The following NR2F1 variants were observed in gnomAD, a reference collection of about 807,000 sequenced individuals.
NR2F1 encodes the protein COUP transcription factor 1.
NR2F1 carries 1 observed loss-of-function variant against 37.7 expected under a neutral mutation model. The observed-to-expected ratio is 0.03, with a 90% CI of 0.01 to 0.13. The LOEUF is 0.13. NR2F1 is among the 10% of genes least tolerant of loss of function. The pLI is 1.00. For synonymous variants in NR2F1, 275 were observed against 259.6 expected, an observed-to-expected ratio of 1.06 and a Z score of -0.57; for missense variants, 268 against 578.4, an observed-to-expected ratio of 0.46 and a Z score of 5.50.
intron 1 of NR2F1, among the ~76,000 whole-genome samples, chr5:93,586,888 C>G (rs1318029196): frequency 6.6e-6 from 1 of 152,056 alleles, no homozygotes; most frequent in Non-Finnish European, 1.5e-5. Flanking sequence ...GAAAATAGAA[C>G]AAAACCTGAA....
intron 1 of NR2F1, chr5:93,587,055 A>C (rs1753244946): frequency 1.3e-5 from 2 of 152,018 alleles, no homozygotes; most frequent in Admixed American, 1.3e-4. Context: ...AAAAAAAAAA[A>C]AAACTTTGGT....
At chr5:93,588,507 C>G (rs1753271477) in intron 2 of NR2F1, 63 bp downstream of exon 2, 4 of 1,209,514 alleles carry the variant, frequency 3.3e-6, no homozygotes, top group South Asian at 7.5e-5. Flanking sequence ...CCGCGCCGCC[C>G]GGGCCTGGCC....
At chr5:93,588,778 C>T (rs1325497088) in intron 2 of NR2F1, among the ~76,000 whole-genome samples, 1 of 138,860 alleles carries the variant, frequency 7.2e-6, no homozygotes, top group Non-Finnish European at 1.5e-5. Flanking sequence ...CGTCTGGCTG[C>T]GCGCGCGCGC....
chr5:93,587,108 T>C (rs905260259), intron 1 of NR2F1: 3 of 151,804 alleles, frequency 2.0e-5, no homozygotes, highest in African/African-American at 7.3e-5. Flanking sequence ...TGCATTCAGA[T>C]GGTTAATGAA....
At position 93,593,712 on chromosome 5, in the gene NR2F1, C is replaced by A. The variant is rs1405813262; in HGVS notation, c.1142C>A (p.Ser381Tyr). The change falls in exon 3 of 3, where the codon TCC (serine) becomes TAC (tyrosine). Residue 381 changes from serine to tyrosine, a missense_variant. Physicochemically the swap from Ser to Tyr is moderately radical, Grantham distance 144. Around this residue, in one of 5 missense-constraint regions of NR2F1, gnomAD observed 99 missense variants for 191.9 expected, o/e 0.52. Coordinates refer to ENST00000327111, the MANE Select transcript of NR2F1 (RefSeq NM_005654.6). This position sits in a 1 kb window ranked among gnomAD's most constrained non-coding sequence, Gnocchi z 5.6. Reference sequence around the variant, plus strand: ...CGACTGCCCTCGCTGCGCACCGTGTCCTCCTCCGTCATCGAGCAGCTCTTC... The same window carrying A: ...CGACTGCCCTCGCTGCGCACCGTGTACTCCTCCGTCATCGAGCAGCTCTTC... The part of the protein sequence containing the change: ...LLRLPSLRTV[S>Y]SSVIEQLFFV... The A allele has an allele frequency of 6.2e-7, 1 of 1,614,226 alleles. No individual in the cohort carries two copies. Among genetic ancestry groups the A allele is most frequent in the Non-Finnish European group, 8.5e-7 (1 of 1,180,040 alleles).
rs1753208695 is a variant in NR2F1, at chr5:93,585,211, C to T, written c.188C>T (p.Thr63Ile). 6 of 1,542,644 alleles carry T rather than the reference C, an allele frequency of 3.9e-6. No homozygotes were observed. The highest frequency in any genetic ancestry group is 5.2e-6 in the Non-Finnish European group (6 of 1,144,270). Residue 63 changes from threonine (T) to isoleucine (I), a missense_variant, in exon 1 of 3, where the codon ACC (threonine) becomes ATC (isoleucine). Physicochemically the swap from Thr to Ile is moderately conservative, Grantham distance 89. Around this residue, in one of 5 missense-constraint regions of NR2F1, gnomAD observed 90 missense variants for 106.5 expected, o/e 0.85. Coordinates refer to ENST00000327111, the MANE Select transcript of NR2F1 (RefSeq NM_005654.6). ...CCGGGCCAGCCCGGAGCGCCCGCCA[C>T]CCCCGGCACGGCGGGGGACAAGGGC... ...QTPGQPGAPA[T>I]PGTAGDKGQG... is the part of the protein sequence containing the mutation.
chr5:93,585,840 T>G (rs1753222990), intron 1 of NR2F1, among the ~76,000 whole-genome samples: 1 of 151,874 alleles, frequency 6.6e-6, no homozygotes, highest in African/African-American at 2.4e-5. Flanking sequence ...GTGAGGCTGC[T>G]TGGGGCTGTG....
chr5:93,593,324 C>G lies in NR2F1; in HGVS notation c.992-238C>G, dbSNP rs1051624407. On this transcript the variant is annotated intron_variant, in intron 2 of 2. Coordinates refer to ENST00000327111, the MANE Select transcript of NR2F1 (RefSeq NM_005654.6). This position sits in a 1 kb window ranked among gnomAD's most constrained non-coding sequence, Gnocchi z 5.6. ...GTGTGTGCCTCTCTCTCCAGCTCCC[C>G]TAGGCTTGGTGGGGGTTTGATTTAT... is the stretch of plus-strand genomic sequence containing the variant. Among the ~76,000 whole-genome samples the G allele has an allele frequency of 6.6e-6, 1 of 151,320 alleles. No homozygotes were observed.
intron 2 of NR2F1, among the ~76,000 whole-genome samples, chr5:93,588,776 TGC>T (rs148092401): frequency 0.034 from 5,067 of 148,578 alleles, 291 homozygotes; most frequent in African/African-American, 0.11. Flanking sequence ...TCCGTCTGGC[TGC>T]GCGCGCGCGC....
At position 93,587,963 on chromosome 5, in the gene NR2F1, G is replaced by C. The variant is rs1274901972; in HGVS notation, c.510G>C (p.Gln170His). ...RMPPTQPNPG[Q>H]YALTNGDPLN... ...CTCCAACCCAGCCCAATCCAGGCCA[G>C]TACGCACTCACCAACGGGGACCCCC... The change falls in exon 2 of 3, where the codon CAG (glutamine) becomes CAC (histidine). Residue 170 changes from glutamine to histidine, a missense_variant. This residue lies in a region of NR2F1 where 42 missense variants were observed against 72.5 expected (regional missense o/e 0.58). Transcript: ENST00000327111. 6.2e-7 allele frequency: 1 copy of C among 1,609,836 alleles called. No individual in the cohort carries two copies. The highest frequency in any genetic ancestry group is 2.2e-5 in the East Asian group (1 of 44,814).
intron 1 of NR2F1, 160 bp downstream of exon 1, chr5:93,585,646 C>T: frequency 3.2e-6 from 2 of 616,704 alleles, no homozygotes; most frequent in Non-Finnish European, 5.7e-6. Context: ...CCGGCGTCTC[C>T]CCCCGCCCTC....
At chr5:93,588,730 G>T (rs1403831594) in intron 2 of NR2F1, among the ~76,000 whole-genome samples, 2 of 151,602 alleles carry the variant, frequency 1.3e-5, no homozygotes, top group Non-Finnish European at 3.0e-5. Flanking sequence ...CGGCTGCCGA[G>T]GGTGTGTGTC....
chr5:93,588,499 G>A, intron 2 of NR2F1, 55 bp downstream of exon 2: 9 of 1,347,116 alleles, frequency 6.7e-6, no homozygotes, highest in South Asian at 5.6e-5. Context: ...CGCAGGCCCC[G>A]CGCCGCCCGG....
chr5:93,585,773 T>C, intron 1 of NR2F1: 1 of 447,828 alleles, frequency 2.2e-6, no homozygotes, highest in Non-Finnish European at 4.1e-6. Context: ...TGGCTTAAAA[T>C]CCCCTTCTTC....
intron 2 of NR2F1, among the ~76,000 whole-genome samples, chr5:93,589,198 A>ACC (rs1337868345): frequency 1.3e-5 from 2 of 152,230 alleles, no homozygotes; most frequent in Admixed American, 6.5e-5. Context: ...GCTATGCAAA[A>ACC]CACATGAACA....
At chr5:93,587,852 G>A in intron 1 of NR2F1, 65 bp from the exon 2 acceptor site, 1 of 1,480,924 alleles carries the variant, frequency 6.8e-7, no homozygotes, top group African/African-American at 1.4e-5. Context: ...GGTACGCTGC[G>A]GCGCGGCAAT....
At chr5:93,592,650 C>A (rs868262592) in intron 2 of NR2F1, among the ~76,000 whole-genome samples, 41 of 138,752 alleles carry the variant, frequency 3.0e-4, no homozygotes, top group African/African-American at 9.6e-4. Context: ...CCCAAGTCCC[C>A]CCTCAACTCC....
intron 2 of NR2F1, among the ~76,000 whole-genome samples, chr5:93,589,199 C>T (rs1452298878): frequency 6.6e-6 from 1 of 152,166 alleles, no homozygotes; most frequent in East Asian, 1.9e-4. Context: ...CTATGCAAAA[C>T]ACATGAACAC....
At chr5:93,586,701 C>G (rs554066669) in intron 1 of NR2F1, among the ~76,000 whole-genome samples, 2 of 151,902 alleles carry the variant, frequency 1.3e-5, no homozygotes, top group South Asian at 4.2e-4. Context: ...ATTTCTAGCT[C>G]CAGGGAGATT....
Sources: gnomAD v4.1 joint callset for allele counts (sites outside exome capture counted in the v4.1 genomes callset) on GRCh38, gnomAD v4.1.1 for gene constraint, gnomAD v4.1.1 regional missense constraint, Gnocchi (gnomAD v3.1) non-coding constraint, MANE v1.5 for transcripts, NCBI Gene and HGNC (gene_info 2026-07-23, HGNC 2026-07-21) for gene names.